Variants in NPAS3 observed in about 807,000 individuals in gnomAD.
The protein encoded by NPAS3 is neuronal PAS domain protein 3, also known as neuronal PAS domain-containing protein 3.
NPAS3 carries 14 observed loss-of-function variants against 73.1 expected under a neutral mutation model. The ratio of observed to expected loss-of-function variants is 0.19; its 90% CI spans 0.13 to 0.30. The LOEUF (loss-of-function observed/expected upper bound fraction) is 0.30. Ranked by LOEUF, NPAS3 falls within the 10% of genes least tolerant of loss-of-function variation. The pLI is 1.00. For synonymous variants in NPAS3, 620 were observed against 541.5 expected (o/e 1.14, Z -2.01); for missense variants, 1,096 against 1,250.0 (o/e 0.88, Z 1.86).
In NPAS3 at chr14:33,455,373, A is replaced by T. The variant is rs544603537; in HGVS notation, c.468+88105A>T. 5.9e-5 allele frequency among the ~76,000 whole-genome samples: 9 copies of T among 152,256 alleles called. No individual in the cohort carries two copies. In the East Asian group the frequency reaches 1.5e-3, roughly 26 times the overall value. On this transcript the variant is annotated intron_variant, in intron 4 of 11. Transcript: ENST00000356141. ...CTTTGCTATGGTGCCTTCTAGTGAA[A>T]TTCTTCGGGCTTTCACTTCTCAAGG...
chr14:33,106,315 A>G (rs1038087489), intron 2 of NPAS3, among the ~76,000 whole-genome samples: 12 of 152,168 alleles, frequency 7.9e-5, no homozygotes, highest in Non-Finnish European at 1.3e-4. Context: ...GTATTGTCCC[A>G]AATATAGTAG....
chr14:33,282,181 T>C (rs984170548), intron 3 of NPAS3, among the ~76,000 whole-genome samples: 1 of 152,222 alleles, frequency 6.6e-6, no homozygotes. Flanking sequence ...ATTTTCATCT[T>C]TTGGATTGTC....
intron 5 of NPAS3, among the ~76,000 whole-genome samples, chr14:33,590,377 TG>T (rs2057020555): frequency 6.6e-6 from 1 of 152,192 alleles, no homozygotes; most frequent in Non-Finnish European, 1.5e-5. Flanking sequence ...CTAGATATTC[TG>T]GACAGTGTCC....
At chr14:33,540,818 C>T (rs2054476646) in intron 4 of NPAS3, among the ~76,000 whole-genome samples, 1 of 152,088 alleles carries the variant, frequency 6.6e-6, no homozygotes, top group Non-Finnish European at 1.5e-5. Flanking sequence ...AATGATGAGA[C>T]TGTCTATTGG....
intron 4 of NPAS3, among the ~76,000 whole-genome samples, chr14:33,539,603 C>G (rs996374206): frequency 2.6e-5 from 4 of 152,076 alleles, no homozygotes; most frequent in African/African-American, 7.2e-5. Flanking sequence ...AAAAGACTCT[C>G]CATTTACTTT....
At chr14:33,593,198 A>T (rs1743925380) in intron 5 of NPAS3, among the ~76,000 whole-genome samples, 1 of 152,146 alleles carries the variant, frequency 6.6e-6, no homozygotes. Context: ...TTAATAACAT[A>T]TCACCTCTAA....
At chr14:33,653,163 A>G (rs1269600588) in intron 5 of NPAS3, among the ~76,000 whole-genome samples, 1 of 152,210 alleles carries the variant, frequency 6.6e-6, no homozygotes, top group East Asian at 1.9e-4. Flanking sequence ...CAAGTTGCAT[A>G]TAATTTTTTA....
chr14:33,174,469 CA>C (rs1566639502), intron 2 of NPAS3, among the ~76,000 whole-genome samples: 1 of 152,302 alleles, frequency 6.6e-6, no homozygotes, highest in East Asian at 1.9e-4. Context: ...TGCATTCATT[CA>C]TTAATTCAAC....
chr14:33,544,791 T>TATATATATATATATATATATATATATAC (rs1566989426), intron 4 of NPAS3, among the ~76,000 whole-genome samples: 1 of 83,360 alleles, frequency 1.2e-5, no homozygotes. Context: ...GTGTGTATTA[T>TATATATATATATATATATATATATATAC]ATATATATAT....
intron 4 of NPAS3, among the ~76,000 whole-genome samples, chr14:33,539,510 G>T (rs1032829560): frequency 1.3e-5 from 2 of 151,888 alleles, no homozygotes; most frequent in African/African-American, 4.8e-5. Context: ...AATTAATTTC[G>T]CAGGGTGCCT....
At chr14:33,085,358 A>T (rs1157805515) in intron 2 of NPAS3, among the ~76,000 whole-genome samples, 1 of 152,232 alleles carries the variant, frequency 6.6e-6, no homozygotes, top group East Asian at 1.9e-4. Flanking sequence ...AGGAGGAGAA[A>T]ATGGCGTAAT....
At chr14:33,470,673 G>GATCTTATAC (rs1183171935) in intron 4 of NPAS3, among the ~76,000 whole-genome samples, 1 of 152,074 alleles carries the variant, frequency 6.6e-6, no homozygotes, top group Non-Finnish European at 1.5e-5. Context: ...GTTGCCAAAG[G>GATCTTATAC]ATCTTATACC....
chr14:33,468,314 C>G (rs1325599696), intron 4 of NPAS3, among the ~76,000 whole-genome samples: 1 of 152,180 alleles, frequency 6.6e-6, no homozygotes, highest in Non-Finnish European at 1.5e-5. Context: ...AGTATGTAAA[C>G]TTATAACTGC....
chr14:33,217,099 C>T (rs1256760240), intron 3 of NPAS3, among the ~76,000 whole-genome samples: 1 of 152,052 alleles, frequency 6.6e-6, no homozygotes, highest in Admixed American at 6.6e-5. Context: ...CAAAGAACGT[C>T]TTACATGGCA....
intron 5 of NPAS3, chr14:33,612,409 A>C (rs973102754): frequency 1.5e-5 from 7 of 455,906 alleles, no homozygotes; most frequent in Non-Finnish European, 3.1e-5. Flanking sequence ...CCACAGGCAC[A>C]GACACTGTGT....
At chr14:33,731,339 A>T (rs1595517806) in intron 6 of NPAS3, among the ~76,000 whole-genome samples, 2 of 150,708 alleles carry the variant, frequency 1.3e-5, no homozygotes, top group South Asian at 4.2e-4. Flanking sequence ...GAATCGCCTG[A>T]GTCCAGGAGT....
chr14:33,746,351 G>T (rs1404622367), intron 7 of NPAS3, among the ~76,000 whole-genome samples: 1 of 151,586 alleles, frequency 6.6e-6, no homozygotes, highest in Non-Finnish European at 1.5e-5. Flanking sequence ...ACCATGCCCG[G>T]CTAGTTTTTG....
intron 4 of NPAS3, among the ~76,000 whole-genome samples, chr14:33,409,003 G>A (rs1332251182): frequency 6.6e-6 from 1 of 152,128 alleles, no homozygotes; most frequent in Non-Finnish European, 1.5e-5. Context: ...CAAACCAACA[G>A]GTGTTATGAA....
At chr14:33,616,013 A>G (rs1445868864) in intron 5 of NPAS3, among the ~76,000 whole-genome samples, 2 of 152,192 alleles carry the variant, frequency 1.3e-5, no homozygotes, top group African/African-American at 4.8e-5. Flanking sequence ...CAAGGCAGCC[A>G]TAGTGCAAGC....
Sources: allele counts gnomAD v4.1 joint callset (sites outside exome capture counted in the v4.1 genomes callset), GRCh38; gene constraint gnomAD v4.1.1; transcripts MANE v1.5; gene names NCBI Gene and HGNC (gene_info 2026-07-23, HGNC 2026-07-21).